TOX4: variants seen among roughly 807,000 people sequenced by gnomAD.
The protein encoded by TOX4 is TOX high mobility group box family member 4, also known as epidermal Langerhans cell protein LCP1.
A neutral mutation model predicts 61.0 loss-of-function variants in TOX4; 12 were observed. The observed-to-expected ratio is 0.20, with a 90% CI of 0.13 to 0.32. The LOEUF is 0.32. TOX4 is among the 10% of genes least tolerant of loss of function. The pLI, the probability that TOX4 is intolerant of heterozygous loss-of-function variation, is 1.00. For missense variants in TOX4, 499 were observed against 753.3 expected, an observed-to-expected ratio of 0.66 and a Z score of 3.95; for synonymous variants, 268 against 274.8, an observed-to-expected ratio of 0.98 and a Z score of 0.24.
chr14:21,490,241 A>G (rs1408729898), intron 5 of TOX4, among the ~76,000 whole-genome samples: 2 of 151,912 alleles, frequency 1.3e-5, no homozygotes, highest in Admixed American at 1.3e-4. Context: ...CACTTTGGGA[A>G]GCCGAGGCAG....
In TOX4 at chr14:21,492,865, C is replaced by T; in HGVS notation, c.1249C>T (p.Gln417Ter). 1 of 1,613,174 alleles carries T rather than the reference C, an allele frequency of 6.2e-7. No homozygotes were observed. The highest frequency in any genetic ancestry group is 8.5e-7 in the Non-Finnish European group (1 of 1,179,646). ...TATIQPSQQAQIVTRSVLQAA... is the reference protein window; with the variant it reads ...TATIQPSQQA ...TACTATCCAGCCCAGTCAACAAGCC[C>T]AGATTGTCACTCGGTCAGTGTTGCA... Residue 417 changes from glutamine (Q) to a stop codon, truncating the protein, a stop_gained, in exon 7 of 9, where the codon CAG (glutamine) becomes TAG (stop). Transcript: ENST00000448790. LOFTEE classifies it high-confidence loss of function.
chr14:21,490,627 G>T (rs1891271138), intron 5 of TOX4, among the ~76,000 whole-genome samples: 1 of 152,120 alleles, frequency 6.6e-6, no homozygotes, highest in South Asian at 2.1e-4. Flanking sequence ...CACAATCCAG[G>T]TTCTTTAACT....
chr14:21,489,888 A>G (rs1891256373), intron 5 of TOX4, among the ~76,000 whole-genome samples: 1 of 151,826 alleles, frequency 6.6e-6, no homozygotes, highest in South Asian at 2.1e-4. Context: ...GCCTATTTAA[A>G]AATTATTAAT....
intron 7 of TOX4, 90 bp from the exon 8 acceptor site, chr14:21,495,139 G>C: frequency 1.4e-6 from 2 of 1,440,272 alleles, no homozygotes; most frequent in Non-Finnish European, 1.9e-6. Context: ...AATACCTGTT[G>C]CTTCATTGGT....
chr14:21,487,010 C>T (rs953732764), intron 2 of TOX4, among the ~76,000 whole-genome samples: 3 of 152,204 alleles, frequency 2.0e-5, no homozygotes, highest in Admixed American at 2.0e-4. Flanking sequence ...GTATAATTGG[C>T]TGGCTGACAG....
intron 2 of TOX4, among the ~76,000 whole-genome samples, chr14:21,483,802 TTGTG>T (rs35731052): frequency 0.49 from 73,442 of 151,288 alleles, 18,002 homozygotes; most frequent in East Asian, 0.63. Context: ...TTTTTGTTAT[TTGTG>T]TGTGTGTGTG....
chr14:21,481,297 A>G (rs922730545), intron 2 of TOX4, among the ~76,000 whole-genome samples: 1 of 152,014 alleles, frequency 6.6e-6, no homozygotes, highest in African/African-American at 2.4e-5. Context: ...TCGTGCATCA[A>G]CCTTCTGAGT....
intron 2 of TOX4, among the ~76,000 whole-genome samples, chr14:21,479,766 T>C (rs1238657132): frequency 1.3e-5 from 2 of 152,248 alleles, no homozygotes; most frequent in Non-Finnish European, 2.9e-5. Context: ...AAATCTCACA[T>C]TGGACTTACC....
chr14:21,477,320 A>T, intron 1 of TOX4, 36 bp downstream of exon 1: 1 of 1,613,910 alleles, frequency 6.2e-7, no homozygotes, highest in Non-Finnish European at 8.5e-7. Context: ...TGGCGAGAGA[A>T]CGCGGCCGAC....
chr14:21,490,043 A>G (rs1891259038), intron 5 of TOX4, among the ~76,000 whole-genome samples: 1 of 151,884 alleles, frequency 6.6e-6, no homozygotes, highest in African/African-American at 2.4e-5. Context: ...GTGTGGTGGC[A>G]TGTGCCTTTG....
intron 2 of TOX4, among the ~76,000 whole-genome samples, chr14:21,479,789 C>T (rs1043263184): frequency 6.6e-6 from 1 of 152,072 alleles, no homozygotes; most frequent in Admixed American, 6.6e-5. Flanking sequence ...CATGAAATTC[C>T]CAATTTCTCC....
At chr14:21,488,456 A>T in intron 3 of TOX4, 134 bp from the exon 4 acceptor site, 2 of 832,654 alleles carry the variant, frequency 2.4e-6, no homozygotes, top group Non-Finnish European at 3.6e-6. Flanking sequence ...TTCATTTTTG[A>T]AGACTATTTT....
chr14:21,494,918 C>CA (rs910723030), intron 7 of TOX4, among the ~76,000 whole-genome samples: 62 of 149,048 alleles, frequency 4.2e-4, no homozygotes, highest in African/African-American at 7.6e-4. Context: ...GACTCCGTCT[C>CA]AAAAAAAAAC....
intron 2 of TOX4, among the ~76,000 whole-genome samples, chr14:21,481,785 C>G (rs2139618541): frequency 6.6e-6 from 1 of 152,164 alleles, no homozygotes; most frequent in Non-Finnish European, 1.5e-5. Context: ...ATAATCTAAA[C>G]AATATTTTGT....
At chr14:21,491,738 G>A (rs1160235998) in intron 5 of TOX4, among the ~76,000 whole-genome samples, 2 of 151,336 alleles carry the variant, frequency 1.3e-5, no homozygotes, top group Non-Finnish European at 2.9e-5. Flanking sequence ...TCGGCCAGGC[G>A]TGGTGGCTCA....
chr14:21,483,325 C>T (rs753376712), intron 2 of TOX4, among the ~76,000 whole-genome samples: 6 of 151,360 alleles, frequency 4.0e-5, no homozygotes, highest in Non-Finnish European at 8.8e-5. Flanking sequence ...TTGGAAACTA[C>T]TATTTTACTA....
intron 2 of TOX4, among the ~76,000 whole-genome samples, chr14:21,477,889 G>A (rs1340517528): frequency 6.6e-6 from 1 of 152,194 alleles, no homozygotes; most frequent in African/African-American, 2.4e-5. Context: ...GCAGTGGAAA[G>A]AAAATGTTTC....
chr14:21,495,371 A>AGT lies in TOX4; in HGVS notation c.1790_1791dup (p.Val598TrpfsTer2). On this transcript the variant is annotated frameshift_variant, in exon 8 of 9. Transcript: ENST00000448790. LOFTEE classifies it high-confidence loss of function. ...TGGGACAATGAATACTGCAGCAATG[A>AGT]GTGTGTGGTGAAGCACTGCAGGTGA... The AGT allele has an allele frequency of 6.2e-7, 1 of 1,613,884 alleles. No homozygotes were observed. The highest frequency in any genetic ancestry group is 8.5e-7 in the Non-Finnish European group (1 of 1,179,884).
chr14:21,488,973 TG>T, intron 4 of TOX4, 123 bp downstream of exon 4: 1 of 1,417,546 alleles, frequency 7.1e-7, no homozygotes, highest in Non-Finnish European at 9.5e-7. Context: ...TTTCTGGGTA[TG>T]GGGTTCCACC....
Sources: gnomAD v4.1 joint callset for allele counts (sites outside exome capture counted in the v4.1 genomes callset) on GRCh38, gnomAD v4.1.1 for gene constraint, MANE v1.5 for transcripts, NCBI Gene and HGNC (gene_info 2026-07-23, HGNC 2026-07-21) for gene names.